ZNF532: variants seen among roughly 807,000 people sequenced by gnomAD.
ZNF532 encodes zinc finger protein 532.
In ZNF532, 22 loss-of-function variants were observed where a neutral mutation model predicts 89.3. The ratio of observed to expected loss-of-function variants is 0.25; its 90% CI spans 0.18 to 0.35. The LOEUF is 0.35. ZNF532 is among the 10% of genes least tolerant of loss of function. The pLI is 1.00. For missense variants in ZNF532, 1,132 were observed against 1,643.4 expected, an observed-to-expected ratio of 0.69 and a Z score of 5.38; for synonymous variants, 606 against 649.6, an observed-to-expected ratio of 0.93 and a Z score of 1.02.
At chr18:58,967,276 GAGC>G (rs994362641) in intron 7 of ZNF532, among the ~76,000 whole-genome samples, 30 of 152,262 alleles carry the variant, frequency 2.0e-4, no homozygotes, top group African/African-American at 7.2e-4. Flanking sequence ...ACAGCTGCCA[GAGC>G]ATCTCTTGGA....
At chr18:58,900,866 A>G (rs1272442457) in intron 2 of ZNF532, among the ~76,000 whole-genome samples, 2 of 152,148 alleles carry the variant, frequency 1.3e-5, no homozygotes, top group African/African-American at 2.4e-5. Context: ...TCCTTTAGCC[A>G]TGATGCCCAG....
intron 2 of ZNF532, among the ~76,000 whole-genome samples, chr18:58,917,371 G>A (rs151079732): frequency 1.3e-5 from 2 of 152,338 alleles, no homozygotes; most frequent in Non-Finnish European, 2.9e-5. Context: ...TATGTAAGAG[G>A]AGACAAGTAC....
In ZNF532 at chr18:58,965,687, T is replaced by C. The variant is rs144556648; in HGVS notation, c.3150+11888T>C. Among the ~76,000 whole-genome samples the C allele has an allele frequency of 1.9e-3, 296 of 152,360 alleles. 1 individual carries two copies. Among genetic ancestry groups the C allele is most frequent in the Admixed American group, 3.5e-3 (53 of 15,310 alleles). On this transcript the variant is annotated intron_variant, in intron 7 of 9. Transcript: ENST00000591808. ...ATGTCCTGGTTTTATATTCCTTAGC[T>C]GGGGTCTGATGCTTTCTGGAATTAC...
chr18:58,880,446 A>C (rs1289156606), intron 2 of ZNF532, among the ~76,000 whole-genome samples: 2 of 152,192 alleles, frequency 1.3e-5, no homozygotes, highest in Non-Finnish European at 2.9e-5. Context: ...TTGTACCCGG[A>C]TCTTTCTCAC....
At chr18:58,960,528 A>AGT (rs2065247632) in intron 7 of ZNF532, among the ~76,000 whole-genome samples, 1 of 152,210 alleles carries the variant, frequency 6.6e-6, no homozygotes, top group Non-Finnish European at 1.5e-5. Flanking sequence ...CAGATGGTGA[A>AGT]GTAGCTGGTT....
intron 3 of ZNF532, among the ~76,000 whole-genome samples, chr18:58,922,375 C>T (rs937809008): frequency 4.6e-5 from 7 of 152,080 alleles, no homozygotes; most frequent in African/African-American, 1.2e-4. Context: ...AAGAATACCC[C>T]GGTAATTTTT....
chr18:58,964,625 C>T (rs962680236), intron 7 of ZNF532, among the ~76,000 whole-genome samples: 27 of 150,900 alleles, frequency 1.8e-4, no homozygotes, highest in East Asian at 1.8e-3. Context: ...CTCGCTCTGT[C>T]GCTCAGGCTG....
intron 3 of ZNF532, among the ~76,000 whole-genome samples, chr18:58,922,108 C>CA (rs757599435): frequency 0.024 from 3,272 of 136,742 alleles, 114 homozygotes; most frequent in African/African-American, 0.081. Flanking sequence ...ACCCTGTCTC[C>CA]AAAAAAAAAA....
chr18:58,967,354 T>TG (rs1455413260), intron 7 of ZNF532, among the ~76,000 whole-genome samples: 1 of 152,116 alleles, frequency 6.6e-6, no homozygotes, highest in Admixed American at 6.5e-5. Context: ...TTTCCACCTC[T>TG]CCTCCCCCTG....
intron 2 of ZNF532, among the ~76,000 whole-genome samples, chr18:58,879,407 A>AT (rs1044424503): frequency 7.9e-5 from 12 of 152,058 alleles, no homozygotes; most frequent in South Asian, 2.1e-4. Context: ...TGCCTTTTTC[A>AT]TTTTTTTTGA....
intron 7 of ZNF532, among the ~76,000 whole-genome samples, chr18:58,976,258 T>A (rs2067034567): frequency 6.6e-6 from 1 of 152,234 alleles, no homozygotes. Flanking sequence ...AACAGAAGGA[T>A]GTCTCTCTCA....
intron 2 of ZNF532, among the ~76,000 whole-genome samples, chr18:58,878,299 G>A (rs2057606810): frequency 6.6e-6 from 1 of 152,006 alleles, no homozygotes; most frequent in African/African-American, 2.4e-5. Flanking sequence ...TGGGCAGGTA[G>A]ACCTTCAGAG....
At chr18:58,944,611 G>T (rs987539722) in intron 5 of ZNF532, among the ~76,000 whole-genome samples, 1 of 152,080 alleles carries the variant, frequency 6.6e-6, no homozygotes, top group African/African-American at 2.4e-5. Context: ...TCTCCATCTT[G>T]AATGCTGCCC....
At chr18:58,937,579 C>CT (rs1233277004) in intron 4 of ZNF532, among the ~76,000 whole-genome samples, 4 of 152,020 alleles carry the variant, frequency 2.6e-5, no homozygotes, top group African/African-American at 9.7e-5. Flanking sequence ...CCTTTTTGTC[C>CT]TTCCTGGTTC....
At position 58,907,332 on chromosome 18, in the gene ZNF532, C is replaced by T. The variant is rs191399682; in HGVS notation, c.-17-10939C>T. Among the ~76,000 whole-genome samples the T allele has an allele frequency of 2.0e-4, 30 of 152,086 alleles. No homozygotes were observed. The East Asian group carries it at 5.2e-3, about 26-fold the overall frequency. ...TCCTGAGTAGCTGGGATTACAGACG[C>T]GTGCCACCACGCCTGGCTAATTTTT... is the stretch of plus-strand genomic sequence containing the variant. On this transcript the variant is annotated intron_variant, in intron 2 of 9. Coordinates refer to ENST00000591808, the MANE Select transcript of ZNF532 (RefSeq NM_001375912.1).
intron 3 of ZNF532, among the ~76,000 whole-genome samples, chr18:58,927,363 T>G (rs987749473): frequency 6.6e-6 from 1 of 151,726 alleles, no homozygotes; most frequent in Non-Finnish European, 1.5e-5. Context: ...TTGGCTGGAG[T>G]AGACAGTGTT....
At chr18:58,971,503 C>G (rs772870136) in intron 7 of ZNF532, among the ~76,000 whole-genome samples, 4 of 152,144 alleles carry the variant, frequency 2.6e-5, no homozygotes, top group Non-Finnish European at 4.4e-5. Context: ...TAATTATTAT[C>G]GTCTATTCTT....
At position 58,918,961 on chromosome 18, in the gene ZNF532, A is replaced by G. The variant is rs1173940949; in HGVS notation, c.674A>G (p.Asp225Gly). 4 of 1,613,656 alleles carry G rather than the reference A, an allele frequency of 2.5e-6. No individual in the cohort carries two copies. Among genetic ancestry groups the G allele is most frequent in the Non-Finnish European group, 3.4e-6 (4 of 1,180,040 alleles). Residue 225 changes from aspartate to glycine, a missense_variant, in exon 3 of 10, where the codon GAT (aspartate) becomes GGT (glycine). Physicochemically the swap from Asp to Gly is moderately conservative, Grantham distance 94. Coordinates refer to ENST00000591808, the MANE Select transcript of ZNF532 (RefSeq NM_001375912.1). ...CCTTTTAAAGTCAGAAAAGCAGAGGATAAATTGAAGGAAAGCTCTGACAAG... is the reference window on the plus strand; with the variant it reads ...CCTTTTAAAGTCAGAAAAGCAGAGGGTAAATTGAAGGAAAGCTCTGACAAG... ...YEPFKVRKAE[D>G]KLKESSDKVL...
intron 7 of ZNF532, among the ~76,000 whole-genome samples, chr18:58,962,625 TG>T (rs903382268): frequency 1.3e-5 from 2 of 150,044 alleles, no homozygotes; most frequent in Non-Finnish European, 3.0e-5. Context: ...TTTTTTGAGA[TG>T]GAGTCTTTCT....
Sources: allele counts gnomAD v4.1 joint callset (sites outside exome capture counted in the v4.1 genomes callset), GRCh38; gene constraint gnomAD v4.1.1; transcripts MANE v1.5; gene names NCBI Gene and HGNC (gene_info 2026-07-23, HGNC 2026-07-21).